The following KIF26B variants were observed in gnomAD, a reference collection of about 807,000 sequenced individuals.
KIF26B encodes the protein kinesin-like protein KIF26B.
A neutral mutation model predicts 151.2 loss-of-function variants in KIF26B; 63 were observed. That is an observed-to-expected ratio of 0.42 (90% CI 0.34 to 0.51). The LOEUF (loss-of-function observed/expected upper bound fraction) is 0.51, where lower values mean the gene tolerates loss of function less well. KIF26B is among the 20% of genes least tolerant of loss of function. The pLI is 0.07. For synonymous variants in KIF26B, 1,357 were observed against 1,262.1 expected, an observed-to-expected ratio of 1.08 and a Z score of -1.59; for missense variants, 2,813 against 2,913.6, an observed-to-expected ratio of 0.97 and a Z score of 0.79.
At chr1:245,619,649 C>T (rs1025802438) in intron 9 of KIF26B, among the ~76,000 whole-genome samples, 7 of 146,786 alleles carry the variant, frequency 4.8e-5, no homozygotes, top group South Asian at 2.2e-4. Context: ...CGTGGTGGCT[C>T]ACACTGTAAT....
intron 4 of KIF26B, among the ~76,000 whole-genome samples, chr1:245,424,033 T>C (rs1658563987): frequency 6.6e-6 from 1 of 151,886 alleles, no homozygotes; most frequent in African/African-American, 2.4e-5. Context: ...AAGAGATGAG[T>C]CTCCCTATGT....
At chr1:245,212,400 A>C (rs1207590306) in intron 2 of KIF26B, among the ~76,000 whole-genome samples, 1 of 152,144 alleles carries the variant, frequency 6.6e-6, no homozygotes, top group African/African-American at 2.4e-5. Context: ...ATGGGCGCAA[A>C]CCCCTGAGAG....
At chr1:245,189,901 A>G (rs761338213) in intron 2 of KIF26B, among the ~76,000 whole-genome samples, 18 of 152,220 alleles carry the variant, frequency 1.2e-4, no homozygotes, top group South Asian at 2.1e-4. Flanking sequence ...ATGGTGGCAG[A>G]CAAGAGAGAA....
chr1:245,228,724 G>T (rs189686342), intron 2 of KIF26B, among the ~76,000 whole-genome samples: 1 of 152,074 alleles, frequency 6.6e-6, no homozygotes, highest in Non-Finnish European at 1.5e-5. Context: ...CTTAATCTTC[G>T]CAGTAATCTG....
chr1:245,257,138 ACT>A (rs144771566), intron 2 of KIF26B, among the ~76,000 whole-genome samples: 2,060 of 152,266 alleles, frequency 0.014, 39 homozygotes, highest in African/African-American at 0.037. Context: ...CTTTAGATAA[ACT>A]CAACCAATTG....
chr1:245,595,604 A>G lies in KIF26B; in HGVS notation c.1351-6973A>G, dbSNP rs576639537. On this transcript the variant is annotated intron_variant, in intron 5 of 14. Transcript: ENST00000407071. ...ATTTTCACATCGATGTTCATCAGGG[A>G]TATTGGCCTGAAATTTTCTTTTTTT... 6.6e-5 allele frequency among the ~76,000 whole-genome samples: 10 copies of G among 152,206 alleles called. No homozygotes were observed. The East Asian group carries it at 1.7e-3, about 26-fold the overall frequency.
chr1:245,589,606 G>T (rs964677520), intron 5 of KIF26B, among the ~76,000 whole-genome samples: 8 of 152,174 alleles, frequency 5.3e-5, no homozygotes, highest in Non-Finnish European at 8.8e-5. Flanking sequence ...GGGGAACAAC[G>T]CCAGAAAGAC....
At chr1:245,408,940 G>A (rs748923519) in intron 3 of KIF26B, among the ~76,000 whole-genome samples, 6 of 152,168 alleles carry the variant, frequency 3.9e-5, no homozygotes, top group East Asian at 1.9e-4. Context: ...ACAGAAGCCC[G>A]CTCATGGTAA....
At chr1:245,328,819 G>A (rs142554654) in intron 2 of KIF26B, among the ~76,000 whole-genome samples, 36 of 152,314 alleles carry the variant, frequency 2.4e-4, no homozygotes, top group Non-Finnish European at 3.7e-4. Context: ...TCGAGAACTC[G>A]TGAAGACAGA....
chr1:245,473,209 A>G (rs569876856), intron 4 of KIF26B, among the ~76,000 whole-genome samples: 70 of 152,250 alleles, frequency 4.6e-4, no homozygotes, highest in Non-Finnish European at 6.0e-4. Flanking sequence ...CTTGCTCAAT[A>G]AAGACCCTCT....
intron 9 of KIF26B, among the ~76,000 whole-genome samples, chr1:245,617,241 C>T (rs1011782439): frequency 1.3e-5 from 2 of 152,176 alleles, no homozygotes; most frequent in African/African-American, 2.4e-5. Context: ...AGATGACAGG[C>T]GTCCACCACA....
intron 10 of KIF26B, among the ~76,000 whole-genome samples, chr1:245,660,196 C>T: frequency 1.4e-5 from 1 of 73,784 alleles, no homozygotes; most frequent in Non-Finnish European, 2.8e-5. Flanking sequence ...TTAGAATTTA[C>T]CCCAAAGCTT....
At position 245,383,153 on chromosome 1, in the gene KIF26B, C is replaced by T. The variant is rs573379993; in HGVS notation, c.999+15786C>T. The stretch of plus-strand genomic sequence containing the variant: ...GCATGGCTCTCTGCTTATTGCAGCC[C>T]GAAGGCAACACATTTAAAGGTGAGG... On this transcript the variant is annotated intron_variant, in intron 3 of 14. Transcript: ENST00000407071. Among the ~76,000 whole-genome samples, 14 of 151,900 alleles carry T rather than the reference C, an allele frequency of 9.2e-5. 1 individual carries two copies. The East Asian group carries it at 2.5e-3, about 27-fold the overall frequency.
chr1:245,306,380 G>T (rs1187753601), intron 2 of KIF26B, among the ~76,000 whole-genome samples: 1 of 152,148 alleles, frequency 6.6e-6, no homozygotes, highest in Non-Finnish European at 1.5e-5. Context: ...GGGCTGAATT[G>T]GGACGTTGCA....
chr1:245,370,597 C>T (rs1416666536), intron 3 of KIF26B: 1 of 456,710 alleles, frequency 2.2e-6, no homozygotes, highest in South Asian at 1.5e-5. Flanking sequence ...TCTTGTCACA[C>T]GTGGCAGGGG....
At chr1:245,593,662 T>C (rs2043312573) in intron 5 of KIF26B, among the ~76,000 whole-genome samples, 1 of 152,226 alleles carries the variant, frequency 6.6e-6, no homozygotes, top group Non-Finnish European at 1.5e-5. Context: ...AGTAGAATGA[T>C]TTATAATCCT....
intron 5 of KIF26B, among the ~76,000 whole-genome samples, chr1:245,553,406 G>C (rs568091127): frequency 1.3e-5 from 2 of 152,200 alleles, no homozygotes; most frequent in Non-Finnish European, 2.9e-5. Context: ...CTGCCTTGGC[G>C]GGGTGGCAGG....
intron 5 of KIF26B, among the ~76,000 whole-genome samples, chr1:245,592,054 C>T (rs953822350): frequency 6.6e-6 from 1 of 152,232 alleles, no homozygotes; most frequent in Non-Finnish European, 1.5e-5. Flanking sequence ...CTCCCCGAAG[C>T]GCTTCTTAGA....
At chr1:245,356,872 G>A (rs185270218) in intron 2 of KIF26B, among the ~76,000 whole-genome samples, 3 of 152,210 alleles carry the variant, frequency 2.0e-5, no homozygotes, top group Non-Finnish European at 4.4e-5. Flanking sequence ...CTAGTTTGCA[G>A]TATCACTAGA....
Sources: gnomAD v4.1 joint callset for allele counts (sites outside exome capture counted in the v4.1 genomes callset) on GRCh38, gnomAD v4.1.1 for gene constraint, MANE v1.5 for transcripts, NCBI Gene and HGNC (gene_info 2026-07-23, HGNC 2026-07-21) for gene names.